The following MAP2K1 variants were observed in gnomAD, a reference collection of about 807,000 sequenced individuals.
MAP2K1 encodes the protein mitogen-activated protein kinase kinase 1, also known as dual specificity mitogen-activated protein kinase kinase 1.
In MAP2K1, 16 loss-of-function variants were observed where a neutral mutation model predicts 46.3. The observed-to-expected ratio is 0.35, with a 90% confidence interval of 0.23 to 0.52. The LOEUF (loss-of-function observed/expected upper bound fraction) is 0.52. MAP2K1 is among the 20% of genes least tolerant of loss of function. The pLI, the probability that MAP2K1 is intolerant of heterozygous loss-of-function variation, is 0.94. For synonymous variants in MAP2K1, 183 were observed against 185.6 expected (o/e 0.99, Z 0.11); for missense variants, 263 against 497.1 (o/e 0.53, Z 4.48).
chr15:66,419,318 A>C (rs1328097992), intron 1 of MAP2K1, among the ~76,000 whole-genome samples: 1 of 151,918 alleles, frequency 6.6e-6, no homozygotes, highest in Non-Finnish European at 1.5e-5. Flanking sequence ...TCAGGGATTC[A>C]AGACCAGCCT....
intron 7 of MAP2K1, among the ~76,000 whole-genome samples, chr15:66,486,688 G>C (rs899805224): frequency 6.6e-6 from 1 of 152,126 alleles, no homozygotes; most frequent in African/African-American, 2.4e-5. Context: ...TGTAGCTCCT[G>C]TCTGGCCAGG....
chr15:66,445,007 A>G, intron 5 of MAP2K1: 1 of 429,406 alleles, frequency 2.3e-6, no homozygotes, highest in Non-Finnish European at 4.3e-6. Flanking sequence ...ATTCACTGGA[A>G]CAGTGAACAG....
chr15:66,461,249 C>T (rs200964085), intron 5 of MAP2K1, among the ~76,000 whole-genome samples: 26 of 151,944 alleles, frequency 1.7e-4, no homozygotes, highest in Admixed American at 5.2e-4. Flanking sequence ...CAGCACTTTG[C>T]GAGGCTGAGG....
At chr15:66,441,593 C>T (rs187502197) in intron 3 of MAP2K1, among the ~76,000 whole-genome samples, 49 of 152,236 alleles carry the variant, frequency 3.2e-4, no homozygotes, top group Non-Finnish European at 5.4e-4. Context: ...ATCACTTCCT[C>T]CTCTGAGCAT....
chr15:66,403,988 A>G (rs925977867), intron 1 of MAP2K1, among the ~76,000 whole-genome samples: 4 of 152,342 alleles, frequency 2.6e-5, no homozygotes, highest in Admixed American at 2.6e-4. Flanking sequence ...AAATCCAGAT[A>G]GAAATTCTAC....
intron 5 of MAP2K1, among the ~76,000 whole-genome samples, chr15:66,457,033 C>T (rs1892181817): frequency 6.6e-6 from 1 of 152,198 alleles, no homozygotes; most frequent in African/African-American, 2.4e-5. Flanking sequence ...CTAAATTTGG[C>T]CTGCTGCCTG....
chr15:66,456,695 G>A (rs1892173313), intron 5 of MAP2K1, among the ~76,000 whole-genome samples: 1 of 152,160 alleles, frequency 6.6e-6, no homozygotes, highest in Non-Finnish European at 1.5e-5. Flanking sequence ...GCTTGCCCAT[G>A]GCTGGACCAT....
chr15:66,468,633 TA>T lies in MAP2K1; in HGVS notation c.569-13114del, dbSNP rs535117979. ...AGGAGGCTAGACCACATGATGCTTTTAAAAAAAATTTTTTTTTGGCTGGGCG... is the reference window on the plus strand; with the variant it reads ...AGGAGGCTAGACCACATGATGCTTTTAAAAAAATTTTTTTTTGGCTGGGCG... On this transcript the variant is annotated intron_variant, in intron 5 of 10. Transcript: ENST00000307102. 5.9e-3 allele frequency among the ~76,000 whole-genome samples: 898 copies of T among 152,238 alleles called. 13 individuals are homozygous for T. The highest frequency in any genetic ancestry group is 0.02 in the African/African-American group (826 of 41,536).
intron 5 of MAP2K1, among the ~76,000 whole-genome samples, chr15:66,445,474 A>AC (rs1891845894): frequency 6.6e-6 from 1 of 152,262 alleles, no homozygotes; most frequent in Non-Finnish European, 1.5e-5. Flanking sequence ...CATACACTTA[A>AC]CCATGTGACC....
chr15:66,396,057 A>G (rs1273303025), intron 1 of MAP2K1, among the ~76,000 whole-genome samples: 1 of 151,334 alleles, frequency 6.6e-6, no homozygotes, highest in African/African-American at 2.4e-5. Flanking sequence ...CCCAGACTGG[A>G]GTGCAGTGGC....
intron 5 of MAP2K1, among the ~76,000 whole-genome samples, chr15:66,447,725 A>G (rs1891910810): frequency 6.6e-6 from 1 of 151,832 alleles, no homozygotes; most frequent in African/African-American, 2.4e-5. Context: ...AAATATATAC[A>G]TAAAATTTAC....
At chr15:66,474,795 T>C (rs561374358) in intron 5 of MAP2K1, among the ~76,000 whole-genome samples, 1 of 152,078 alleles carries the variant, frequency 6.6e-6, no homozygotes, top group South Asian at 2.1e-4. Context: ...ACAGTGTTAC[T>C]GTAAGGATTA....
At chr15:66,473,443 G>T (rs556765932) in intron 5 of MAP2K1, among the ~76,000 whole-genome samples, 133 of 152,190 alleles carry the variant, frequency 8.7e-4, no homozygotes, top group Middle Eastern at 3.4e-3. Context: ...GCATGGTGGC[G>T]TGTGCTGAAG....
At chr15:66,422,405 A>G (rs11635184) in intron 1 of MAP2K1, among the ~76,000 whole-genome samples, 31,063 of 152,184 alleles carry the variant, frequency 0.2, 3,853 homozygotes, top group Middle Eastern at 0.32. Context: ...AATCATGAAA[A>G]TATCTTCTGT....
chr15:66,426,955 A>G (rs894016662), intron 1 of MAP2K1, among the ~76,000 whole-genome samples: 3 of 152,192 alleles, frequency 2.0e-5, no homozygotes, highest in African/African-American at 7.2e-5. Context: ...TTGAAGCCCT[A>G]GTTGTTACTT....
intron 3 of MAP2K1, among the ~76,000 whole-genome samples, chr15:66,441,041 T>C (rs2093502248): frequency 6.6e-6 from 1 of 152,168 alleles, no homozygotes; most frequent in African/African-American, 2.4e-5. Context: ...TAGGTCACTA[T>C]AACTTTGAGC....
intron 1 of MAP2K1, among the ~76,000 whole-genome samples, chr15:66,417,095 C>A (rs181093999): frequency 6.6e-5 from 10 of 152,236 alleles, no homozygotes; most frequent in African/African-American, 2.2e-4. Flanking sequence ...GTATTGTTAG[C>A]CCAAAGACTT....
chr15:66,461,676 C>A (rs1472055938), intron 5 of MAP2K1, among the ~76,000 whole-genome samples: 3 of 151,884 alleles, frequency 2.0e-5, no homozygotes, highest in Non-Finnish European at 4.4e-5. Flanking sequence ...TGCTTACCAC[C>A]CTGTGAAGTG....
intron 1 of MAP2K1, among the ~76,000 whole-genome samples, chr15:66,387,821 T>C (rs1340826898): frequency 2.6e-5 from 4 of 152,224 alleles, no homozygotes; most frequent in Admixed American, 2.6e-4. Context: ...TAAGATCGCA[T>C]CTGTGCTTTT....
Sources: gnomAD v4.1 joint callset for allele counts (sites outside exome capture counted in the v4.1 genomes callset) on GRCh38, gnomAD v4.1.1 for gene constraint, MANE v1.5 for transcripts, NCBI Gene and HGNC (gene_info 2026-07-23, HGNC 2026-07-21) for gene names.